HLCS: variants seen among roughly 807,000 people sequenced by gnomAD.
HLCS encodes the protein holocarboxylase synthetase.
In HLCS, 53 loss-of-function variants were observed where a neutral mutation model predicts 75.0. The ratio of observed to expected loss-of-function variants is 0.71; its 90% CI spans 0.57 to 0.89. The LOEUF is 0.89. Among genes scored for constraint, HLCS ranks in the 40% least tolerant of loss-of-function variants. HLCS has a pLI of 0.00. For missense variants in HLCS, 966 were observed against 1,074.0 expected, an observed-to-expected ratio of 0.90 and a Z score of 1.41; for synonymous variants, 431 against 428.6, an observed-to-expected ratio of 1.01 and a Z score of -0.07.
intron 6 of HLCS, among the ~76,000 whole-genome samples, chr21:36,819,949 T>C (rs2061776223): frequency 6.6e-6 from 1 of 152,116 alleles, no homozygotes; most frequent in Admixed American, 6.5e-5. Context: ...ATTTTATGAA[T>C]AAATAAAAAA....
chr21:36,910,898 A>G (rs957687103), intron 5 of HLCS, among the ~76,000 whole-genome samples: 1 of 152,038 alleles, frequency 6.6e-6, no homozygotes, highest in African/African-American at 2.4e-5. Flanking sequence ...TTCTGCCACT[A>G]GCCCCAAGCA....
At chr21:36,880,818 C>A (rs902170341) in intron 6 of HLCS, among the ~76,000 whole-genome samples, 2 of 152,174 alleles carry the variant, frequency 1.3e-5, no homozygotes, top group Non-Finnish European at 2.9e-5. Flanking sequence ...CCCAAACTCC[C>A]CTTACCCCTC....
At chr21:36,800,188 T>C (rs1371343932) in intron 6 of HLCS, among the ~76,000 whole-genome samples, 2 of 152,084 alleles carry the variant, frequency 1.3e-5, no homozygotes, top group Non-Finnish European at 2.9e-5. Context: ...AGGACCATGG[T>C]GAGAGCCTGA....
chr21:36,977,255 G>A (rs556702810), intron 1 of HLCS, among the ~76,000 whole-genome samples: 10 of 152,212 alleles, frequency 6.6e-5, no homozygotes, highest in Admixed American at 2.0e-4. Flanking sequence ...CTGGTTGGGC[G>A]AAGGGAGAAA....
At chr21:36,833,898 C>T (rs1310482465) in intron 6 of HLCS, among the ~76,000 whole-genome samples, 2 of 152,162 alleles carry the variant, frequency 1.3e-5, no homozygotes, top group Non-Finnish European at 2.9e-5. Flanking sequence ...TTCTCCTTTA[C>T]ACAACTGCCC....
At chr21:36,952,519 C>T (rs2067713619) in intron 2 of HLCS, among the ~76,000 whole-genome samples, 2 of 152,068 alleles carry the variant, frequency 1.3e-5, no homozygotes, top group Non-Finnish European at 2.9e-5. Flanking sequence ...CACGGCCGAG[C>T]GCGGTGGCTC....
At chr21:36,761,855 C>T (rs1030807766) in intron 8 of HLCS, among the ~76,000 whole-genome samples, 1 of 152,218 alleles carries the variant, frequency 6.6e-6, no homozygotes, top group African/African-American at 2.4e-5. Flanking sequence ...GGCGGGAGGA[C>T]ACCTGCAGAG....
intron 2 of HLCS, among the ~76,000 whole-genome samples, chr21:36,942,245 G>C (rs945637270): frequency 6.6e-6 from 1 of 151,850 alleles, no homozygotes; most frequent in Non-Finnish European, 1.5e-5. Flanking sequence ...AAAAACCACA[G>C]ATAGAGAAGC....
rs140929185 is a variant in HLCS, at chr21:36,944,937, G to A, written c.331-5943C>T. ...GGAGATCGAGACCATCCTAGTTAAC[G>A]GTGAAACCCTGTCTCTACTAAAAAT... On this transcript the variant is annotated intron_variant, in intron 2 of 10. Coordinates refer to ENST00000674895, the MANE Select transcript of HLCS (RefSeq NM_001352514.2). Among the ~76,000 whole-genome samples the A allele has an allele frequency of 3.5e-3, 527 of 152,128 alleles. 1 individual carries two copies. The highest frequency in any genetic ancestry group is 0.011 in the African/African-American group (454 of 41,510).
In HLCS at chr21:36,990,070, T is replaced by C. The variant is rs75936844; in HGVS notation, c.-393+88A>G. ...GAGACGGCTGTTCCCTGGCAGAGGC[T>C]CGCGGTGGACTGCCTGACCCTCGCC... On this transcript the variant is annotated intron_variant, in intron 1 of 11. Transcript: ENST00000336648. The C allele has an allele frequency of 0.26, 39,625 of 151,968 alleles. 5,311 individuals are homozygous for C. Among genetic ancestry groups the C allele is most frequent in the South Asian group, 0.36 (1,733 of 4,878 alleles). 9.4% of individuals were successfully genotyped at this position (151,968 alleles called of 1,614,324 possible). A position where few individuals can be genotyped will look rare whatever the true frequency, so the allele number is the denominator to read the frequency against.
At chr21:36,948,663 A>G (rs558873519) in intron 2 of HLCS, among the ~76,000 whole-genome samples, 42 of 140,058 alleles carry the variant, frequency 3.0e-4, no homozygotes, top group African/African-American at 9.0e-4. Context: ...CAGGAAGTAA[A>G]GGCTGCAGTG....
At chr21:36,779,467 C>T (rs1051917176) in intron 6 of HLCS, among the ~76,000 whole-genome samples, 4 of 152,150 alleles carry the variant, frequency 2.6e-5, no homozygotes, top group African/African-American at 9.7e-5. Context: ...ATTCTAGCCC[C>T]TCCTTTTCTA....
At chr21:36,931,899 G>A (rs1015476571) in intron 4 of HLCS, among the ~76,000 whole-genome samples, 1 of 152,204 alleles carries the variant, frequency 6.6e-6, no homozygotes, top group African/African-American at 2.4e-5. Flanking sequence ...GGGTCCGTAC[G>A]CTCTCCCCAT....
At chr21:36,987,693 A>G (rs1485606999) in intron 1 of HLCS, among the ~76,000 whole-genome samples, 7 of 152,178 alleles carry the variant, frequency 4.6e-5, no homozygotes, top group Non-Finnish European at 7.3e-5. Context: ...TTTGTAATTA[A>G]TAAGTAATCT....
At chr21:36,982,123 T>C (rs1450456606) in intron 1 of HLCS, among the ~76,000 whole-genome samples, 3 of 152,152 alleles carry the variant, frequency 2.0e-5, no homozygotes, top group African/African-American at 7.2e-5. Flanking sequence ...TTTCCAAGCC[T>C]TGCATTCTTT....
intron 6 of HLCS, among the ~76,000 whole-genome samples, chr21:36,889,471 A>C (rs2064681876): frequency 1.3e-5 from 2 of 152,232 alleles, no homozygotes; most frequent in African/African-American, 4.8e-5. Flanking sequence ...TATGTTTCAC[A>C]GTCTAGCCTC....
In HLCS at chr21:36,765,141, C is replaced by A; in HGVS notation, c.1992G>T (p.Val664=). 6.2e-7 allele frequency: 1 copy of A among 1,614,214 alleles called. No homozygotes were observed. The highest frequency in any genetic ancestry group is 1.1e-5 in the South Asian group (1 of 91,082). The part of the protein sequence containing the change: ...GRGGNVWLSP[V]GCALSTLLIS... Reference sequence around the variant, plus strand: ...TGAGCAGAGTAGAAAGAGCACATCCCACAGGGCTCAGCCACACATTCCCTC... The same window carrying A: ...TGAGCAGAGTAGAAAGAGCACATCCAACAGGGCTCAGCCACACATTCCCTC... Residue 664 remains valine, a synonymous_variant, in exon 8 of 11, where the codon GTG becomes GTT. Coordinates refer to ENST00000674895, the MANE Select transcript of HLCS (RefSeq NM_001352514.2).
chr21:36,751,129 G>C lies in HLCS; in HGVS notation c.*3117C>G, dbSNP rs1484124896. On this transcript the variant is annotated 3_prime_UTR_variant, in exon 11 of 11. Transcript: ENST00000674895. Reference sequence around the variant, plus strand: ...ATGTTTAAATATGAATAAAAATACTGTAACCCAAAGTAGTTGCCTACTTTT... The same window carrying C: ...ATGTTTAAATATGAATAAAAATACTCTAACCCAAAGTAGTTGCCTACTTTT... 6.6e-6 allele frequency: 1 copy of C among 152,198 alleles called. No homozygotes were observed. Among genetic ancestry groups the C allele is most frequent in the African/African-American group, 2.4e-5 (1 of 41,288 alleles). 9.4% of individuals were successfully genotyped at this position (152,198 alleles called of 1,614,324 possible). A position where few individuals can be genotyped will look rare whatever the true frequency, so the allele number is the denominator to read the frequency against.
intron 6 of HLCS, among the ~76,000 whole-genome samples, chr21:36,888,432 TAAAAAA>T (rs1191691491): frequency 1.5e-3 from 36 of 23,766 alleles, no homozygotes; most frequent in South Asian, 4.4e-3. Flanking sequence ...CCTTCCCATT[TAAAAAA>T]AAAAAAAATA....
Sources: allele counts gnomAD v4.1 joint callset (sites outside exome capture counted in the v4.1 genomes callset), GRCh38; gene constraint gnomAD v4.1.1; transcripts MANE v1.5; gene names NCBI Gene and HGNC (gene_info 2026-07-23, HGNC 2026-07-21).